The following DAB1 variants were observed in gnomAD, a reference collection of about 807,000 sequenced individuals.
DAB1 encodes DAB adaptor protein 1, also known as disabled homolog 1.
Under a neutral mutation model 64.6 loss-of-function variants are expected in DAB1, and 15 were observed. That is an observed-to-expected ratio of 0.23 (90% CI 0.16 to 0.36). The LOEUF (loss-of-function observed/expected upper bound fraction) is 0.36. Ranked by LOEUF, DAB1 falls within the 10% of genes least tolerant of loss-of-function variation. The pLI, the probability that DAB1 is intolerant of heterozygous loss-of-function variation, is 1.00. For missense variants in DAB1, 596 were observed against 706.7 expected, an observed-to-expected ratio of 0.84 and a Z score of 1.78; for synonymous variants, 235 against 251.9, an observed-to-expected ratio of 0.93 and a Z score of 0.64.
intron 7 of DAB1, among the ~76,000 whole-genome samples, chr1:57,492,999 T>A (rs1359730800): frequency 6.6e-6 from 1 of 152,044 alleles, no homozygotes; most frequent in Non-Finnish European, 1.5e-5. Flanking sequence ...CACTGTGAAC[T>A]CTCTTCTATG....
At position 58,540,279 on chromosome 1, in the gene DAB1, C is replaced by G. The variant is rs112318679; in HGVS notation, n.32+6424G>C. The stretch of plus-strand genomic sequence containing the variant: ...ATGCTTCCAAGCAACAACTGCATCC[C>G]AGGAAAAAAAAAAAATCTAAACAGG... On this transcript the variant is annotated intron_variant and non_coding_transcript_variant, in intron 1 of 20. Coordinates refer to the DAB1 transcript ENST00000485760. Among the ~76,000 whole-genome samples the G allele has an allele frequency of 8.2e-3, 1,110 of 136,168 alleles. 5 individuals carry two copies. The highest frequency in any genetic ancestry group is 0.022 in the African/African-American group (780 of 36,214). 89.3% of individuals were successfully genotyped at this position (136,168 alleles called of 152,430 possible).
At chr1:57,009,055 T>C (rs1047358987) in intron 14 of DAB1, among the ~76,000 whole-genome samples, 11 of 152,244 alleles carry the variant, frequency 7.2e-5, no homozygotes, top group Non-Finnish European at 1.2e-4. Flanking sequence ...GATGAGGGTT[T>C]AATACATTGA....
At chr1:57,764,306 A>G (rs1649213852) in intron 6 of DAB1, among the ~76,000 whole-genome samples, 1 of 152,094 alleles carries the variant, frequency 6.6e-6, no homozygotes, top group Non-Finnish European at 1.5e-5. Flanking sequence ...TCCTTTTTTA[A>G]TTAACACACA....
chr1:58,312,806 G>GT (rs1349800003), intron 4 of DAB1, among the ~76,000 whole-genome samples: 9 of 152,112 alleles, frequency 5.9e-5, no homozygotes, highest in African/African-American at 2.2e-4. Context: ...ACTCAGGCAA[G>GT]TTACTTGACC....
intron 4 of DAB1, among the ~76,000 whole-genome samples, chr1:57,132,769 A>G (rs1007306647): frequency 2.0e-5 from 3 of 152,172 alleles, no homozygotes; most frequent in African/African-American, 7.2e-5. Flanking sequence ...AAGACAAACT[A>G]TGGACGAAGC....
intron 2 of DAB1, among the ~76,000 whole-genome samples, chr1:58,526,601 CAAAAA>C (rs10574530): frequency 1.6e-5 from 2 of 121,378 alleles, no homozygotes; most frequent in Admixed American, 8.0e-5. Context: ...CTATGGCTAG[CAAAAA>C]AAAAAAAAAA....
At chr1:58,126,905 G>A (rs1274168891) in intron 5 of DAB1, among the ~76,000 whole-genome samples, 1 of 144,940 alleles carries the variant, frequency 6.9e-6, no homozygotes, top group African/African-American at 2.6e-5. Flanking sequence ...TGTGAATAAT[G>A]CCGCAATAAA....
chr1:58,156,684 T>C (rs1177549531), intron 4 of DAB1, among the ~76,000 whole-genome samples: 1 of 151,906 alleles, frequency 6.6e-6, no homozygotes, highest in Non-Finnish European at 1.5e-5. Flanking sequence ...AAGAAGTAGG[T>C]GAAGGAGAAG....
At chr1:57,054,396 G>A (rs1014240362) in intron 9 of DAB1, among the ~76,000 whole-genome samples, 3 of 151,604 alleles carry the variant, frequency 2.0e-5, no homozygotes, top group Admixed American at 1.3e-4. Context: ...GGTTAACAGG[G>A]TGCAAAAAGC....
At chr1:57,903,726 C>T (rs1644510237) in intron 5 of DAB1, among the ~76,000 whole-genome samples, 1 of 152,178 alleles carries the variant, frequency 6.6e-6, no homozygotes, top group Admixed American at 6.5e-5. Flanking sequence ...GTCCCCAGCT[C>T]CCAGCAGGTT....
intron 2 of DAB1, among the ~76,000 whole-genome samples, chr1:57,172,839 C>T (rs1415676733): frequency 2.6e-5 from 4 of 152,144 alleles, no homozygotes; most frequent in Non-Finnish European, 5.9e-5. Flanking sequence ...GATCAACTTT[C>T]AACAGGAGAT....
At chr1:57,928,035 T>C (rs763791906) in intron 5 of DAB1, among the ~76,000 whole-genome samples, 1 of 152,224 alleles carries the variant, frequency 6.6e-6, no homozygotes, top group Non-Finnish European at 1.5e-5. Flanking sequence ...TGAATATCAT[T>C]AACTGGAGTT....
chr1:57,637,041 G>C (rs1646065402), intron 7 of DAB1, among the ~76,000 whole-genome samples: 1 of 152,150 alleles, frequency 6.6e-6, no homozygotes, highest in African/African-American at 2.4e-5. Flanking sequence ...TCTTCAGTAT[G>C]CAGGGGCTTT....
chr1:57,149,841 G>C (rs17115220), intron 2 of DAB1, among the ~76,000 whole-genome samples: 1 of 152,006 alleles, frequency 6.6e-6, no homozygotes, highest in Non-Finnish European at 1.5e-5. Context: ...ACTGGCAGAC[G>C]TCTTACTCTT....
Position 58,159,995 on chromosome 1 carries a change from C to T in DAB1, n.310-9407G>A, listed in dbSNP as rs150132459. Among the ~76,000 whole-genome samples, 408 of 152,170 alleles carry T rather than the reference C, an allele frequency of 2.7e-3. 4 individuals are homozygous for T. The highest frequency in any genetic ancestry group is 9.5e-3 in the African/African-American group (393 of 41,532). The stretch of plus-strand genomic sequence containing the variant: ...CTGAAGGAGGAAATAAAAGAAGATA[C>T]CTTTTTTTTTTCTTAAAGAGTTCTT... On this transcript the variant is annotated intron_variant and non_coding_transcript_variant, in intron 4 of 20. Coordinates refer to the DAB1 transcript ENST00000485760.
intron 1 of DAB1, among the ~76,000 whole-genome samples, chr1:57,416,391 T>A (rs1306157127): frequency 6.6e-6 from 1 of 152,210 alleles, no homozygotes; most frequent in East Asian, 1.9e-4. Context: ...ATGCATTTCA[T>A]GTCAGGGTAC....
chr1:57,663,643 T>A lies in DAB1; in HGVS notation n.552-13978A>T, dbSNP rs529054510. On this transcript the variant is annotated intron_variant and non_coding_transcript_variant, in intron 6 of 20. Coordinates refer to the DAB1 transcript ENST00000485760. ...CCCAATATTTTCTTATTTTTTTTTT[T>A]AAAAACCACAACCCATTGCTCAATG... Among the ~76,000 whole-genome samples the A allele has an allele frequency of 7.0e-4, 107 of 151,964 alleles. 1 individual carries two copies. Among genetic ancestry groups the A allele is most frequent in the East Asian group, 7.7e-4 (4 of 5,180 alleles).
chr1:57,065,982 TTACTC>T (rs1650870609), intron 8 of DAB1, among the ~76,000 whole-genome samples: 1 of 152,226 alleles, frequency 6.6e-6, no homozygotes, highest in African/African-American at 2.4e-5. Context: ...AGATGTTAAA[TTACTC>T]TAAAAACAGC....
chr1:57,890,400 G>A (rs1644293310), intron 5 of DAB1, among the ~76,000 whole-genome samples: 1 of 151,364 alleles, frequency 6.6e-6, no homozygotes, highest in East Asian at 1.9e-4. Context: ...CCTCCATGCT[G>A]TCCCATTTTT....
Sources: gnomAD v4.1 joint callset for allele counts (sites outside exome capture counted in the v4.1 genomes callset) on GRCh38, gnomAD v4.1.1 for gene constraint, MANE v1.5 for transcripts, NCBI Gene and HGNC (gene_info 2026-07-23, HGNC 2026-07-21) for gene names.